The following SPMIP3 variants were observed in gnomAD, a reference collection of about 807,000 sequenced individuals.
The protein encoded by SPMIP3 is protein SPMIP3.
At chr1:244,380,123 C>CTTTTTTTTTT in the SPMIP3 span, among the ~76,000 whole-genome samples, 1 of 115,528 alleles carries the variant, frequency 8.7e-6, no homozygotes, top group Non-Finnish European at 1.8e-5. Context: ...CAGAGTTTTT[C>CTTTTTTTTTT]TTTTTTTTTT....
chr1:244,357,668 A>G, the SPMIP3 span, among the ~76,000 whole-genome samples: 1 of 142,138 alleles, frequency 7.0e-6, no homozygotes, highest in Admixed American at 7.6e-5. Context: ...AAGATGTGCC[A>G]CTGCACTCCA....
the SPMIP3 span, among the ~76,000 whole-genome samples, chr1:244,380,573 C>A: frequency 5.3e-5 from 8 of 152,184 alleles, no homozygotes; most frequent in African/African-American, 1.7e-4. Flanking sequence ...AGTTTATTAA[C>A]TAGCCCCAGG....
the SPMIP3 span, among the ~76,000 whole-genome samples, chr1:244,373,128 C>A: frequency 6.6e-6 from 1 of 151,666 alleles, no homozygotes; most frequent in Non-Finnish European, 1.5e-5. Flanking sequence ...CACCTGCAAT[C>A]CCAGCACTTC....
the SPMIP3 span, chr1:244,375,573 A>G: frequency 4.4e-6 from 3 of 686,746 alleles, no homozygotes; most frequent in Non-Finnish European, 2.4e-6. Context: ...TACTGATGAT[A>G]GCAAAAATAA....
At chr1:244,382,523 G>T in the SPMIP3 span, among the ~76,000 whole-genome samples, 2 of 151,638 alleles carry the variant, frequency 1.3e-5, no homozygotes, top group African/African-American at 4.8e-5. Context: ...ACGAGCAATG[G>T]TAAGACATTG....
chr1:244,380,601 A>G, the SPMIP3 span, among the ~76,000 whole-genome samples: 1 of 152,214 alleles, frequency 6.6e-6, no homozygotes, highest in Non-Finnish European at 1.5e-5. Flanking sequence ...GCTAGGCGGT[A>G]GGAGAAGCAG....
the SPMIP3 span, among the ~76,000 whole-genome samples, chr1:244,359,984 C>T: frequency 2.0e-5 from 3 of 151,836 alleles, no homozygotes; most frequent in Non-Finnish European, 4.4e-5. Flanking sequence ...TGGTGCGTGC[C>T]TGTAGTCCCA....
chr1:244,381,755 A>AC, the SPMIP3 span, among the ~76,000 whole-genome samples: 2 of 152,178 alleles, frequency 1.3e-5, no homozygotes, highest in African/African-American at 4.8e-5. Context: ...ACATGGCAGA[A>AC]CCCCATCTCT....
At chr1:244,381,804 A>ATG in the SPMIP3 span, among the ~76,000 whole-genome samples, 33 of 152,234 alleles carry the variant, frequency 2.2e-4, no homozygotes, top group East Asian at 6.4e-3. Flanking sequence ...GGTGGCACTC[A>ATG]CCTATAATCC....
At chr1:244,374,242 C>T in the SPMIP3 span, among the ~76,000 whole-genome samples, 1 of 152,148 alleles carries the variant, frequency 6.6e-6, no homozygotes, top group Non-Finnish European at 1.5e-5. Flanking sequence ...ACCCTTGTCC[C>T]ACCTCTTCTT....
the SPMIP3 span, among the ~76,000 whole-genome samples, chr1:244,363,294 G>A: frequency 6.6e-6 from 1 of 152,088 alleles, no homozygotes; most frequent in Non-Finnish European, 1.5e-5. Context: ...TATAATCCCA[G>A]CTACTCAGGA....
At chr1:244,383,695 C>T in the SPMIP3 span, among the ~76,000 whole-genome samples, 2 of 152,078 alleles carry the variant, frequency 1.3e-5, no homozygotes, top group Admixed American at 6.6e-5. Context: ...GAGAGTACAG[C>T]ATGTGCAAAG....
chr1:244,372,856 A>T, the SPMIP3 span, among the ~76,000 whole-genome samples: 12 of 152,106 alleles, frequency 7.9e-5, no homozygotes, highest in Non-Finnish European at 1.5e-4. Context: ...ATGGCCATTT[A>T]TTGTGTTCCC....
At chr1:244,367,278 G>A in the SPMIP3 span, among the ~76,000 whole-genome samples, 2 of 152,150 alleles carry the variant, frequency 1.3e-5, no homozygotes, top group Admixed American at 6.5e-5. Context: ...GGGTTGAAGG[G>A]TTTTATGCAA....
the SPMIP3 span, among the ~76,000 whole-genome samples, chr1:244,362,216 G>A: frequency 2.0e-5 from 3 of 152,150 alleles, no homozygotes; most frequent in African/African-American, 7.2e-5. Context: ...GGGAAGAGGA[G>A]GAGACATCAC....
the SPMIP3 span, among the ~76,000 whole-genome samples, chr1:244,374,587 CTTTTTTT>C: frequency 3.1e-4 from 23 of 74,640 alleles, no homozygotes; most frequent in East Asian, 7.4e-4. Context: ...CCACATTTCT[CTTTTTTT>C]TTTTTTTTTT....
the SPMIP3 span, among the ~76,000 whole-genome samples, chr1:244,381,886 A>C: frequency 5.9e-5 from 9 of 152,218 alleles, no homozygotes; most frequent in African/African-American, 2.2e-4. Context: ...AGTTGAGGTC[A>C]TGCCACTGCG....
chr1:244,381,056 C>T, the SPMIP3 span, among the ~76,000 whole-genome samples: 709 of 151,792 alleles, frequency 4.7e-3, 10 homozygotes, highest in African/African-American at 0.016. Context: ...GCTGGGAGGG[C>T]GTGCAGAGTG....
At chr1:244,387,720 G>T in the SPMIP3 span, among the ~76,000 whole-genome samples, 1 of 152,188 alleles carries the variant, frequency 6.6e-6, no homozygotes, top group Non-Finnish European at 1.5e-5. Context: ...GGAGTGTAAG[G>T]AAGAGGAAAG....
Sources: allele counts gnomAD v4.1 joint callset (sites outside exome capture counted in the v4.1 genomes callset), GRCh38; gene constraint gnomAD v4.1.1; transcripts MANE v1.5; gene names NCBI Gene and HGNC (gene_info 2026-07-23, HGNC 2026-07-21).